ZNF263: variants seen among roughly 807,000 people sequenced by gnomAD.
ZNF263 encodes the protein zinc finger protein FPM315.
ZNF263 carries 49 observed loss-of-function variants against 63.1 expected under a neutral mutation model. The observed-to-expected ratio is 0.78, with a 90% CI of 0.62 to 0.99. ZNF263 has a LOEUF of 0.99. Ranked by LOEUF, ZNF263 falls within the 50% of genes least tolerant of loss-of-function variation. ZNF263 has a pLI of 0.00. For synonymous variants in ZNF263, 352 were observed against 324.2 expected, an observed-to-expected ratio of 1.09 and a Z score of -0.92; for missense variants, 872 against 854.8, an observed-to-expected ratio of 1.02 and a Z score of -0.25.
At position 3,285,738 on chromosome 16, in the gene ZNF263, A is replaced by T; in HGVS notation, c.626A>T (p.Glu209Val). Reference sequence around the variant, plus strand: ...CCTGAAGGGAACATGGAAGACAAGGAGATGACTGGGCCCCAGGTGATGTGG... The same window carrying T: ...CCTGAAGGGAACATGGAAGACAAGGTGATGACTGGGCCCCAGGTGATGTGG... ...FPPEGNMEDK[E>V]MTGPQLPESL... The change falls in exon 3 of 6, where the codon GAG becomes GTG. Residue 209 changes from glutamate (E) to valine (V), a missense_variant. Physicochemically the swap from Glu to Val is moderately radical, Grantham distance 121. Transcript: ENST00000219069. 6.2e-7 allele frequency: 1 copy of T among 1,614,118 alleles called. No homozygotes were observed. Among genetic ancestry groups the T allele is most frequent in the Non-Finnish European group, 8.5e-7 (1 of 1,180,010 alleles).
At chr16:3,285,272 A>G in intron 2 of ZNF263, 33 bp downstream of exon 2, 1 of 1,587,454 alleles carries the variant, frequency 6.3e-7, no homozygotes. Flanking sequence ...GGTGGGAGGG[A>G]GGAGGGGCTT....
At chr16:3,300,245 C>A in intron 2 of ZNF263, 1 of 1,614,224 alleles carries the variant, frequency 6.2e-7, no homozygotes, top group Non-Finnish European at 8.5e-7. Flanking sequence ...AAAAGCCAAC[C>A]AGTGCTAGCT....
intron 2 of ZNF263, chr16:3,299,664 C>T: frequency 2.6e-6 from 4 of 1,551,960 alleles, no homozygotes; most frequent in Non-Finnish European, 3.5e-6. Context: ...GGGGGAAGAA[C>T]ATACATTTTA....
rs147608270 is a variant in ZNF263 at position 3,285,122 on chromosome 16, C to G, written c.451C>G (p.Arg151Gly). 48 of 1,614,112 alleles carry G rather than the reference C, an allele frequency of 3.0e-5. No individual in the cohort carries two copies. The South Asian group carries it at 3.4e-4, about 11-fold the overall frequency. ...LEEPLPLETA[R>G]ESPSFKLEPM... is the part of the protein sequence containing the mutation. Reference sequence around the variant, plus strand: ...GGAGCCTTTGCCTCTGGAAACAGCACGAGAGTCACCGAGCTTCAAGCTGGA... The same window carrying G: ...GGAGCCTTTGCCTCTGGAAACAGCAGGAGAGTCACCGAGCTTCAAGCTGGA... The change falls in exon 2 of 6, where the codon CGA becomes GGA. Residue 151 changes from arginine (R) to glycine (G), a missense_variant. Transcript: ENST00000219069.
intron 2 of ZNF263, chr16:3,299,595 C>T (rs1461162437): frequency 1.3e-6 from 2 of 1,556,104 alleles, no homozygotes; most frequent in Non-Finnish European, 1.7e-6. Flanking sequence ...ATCTATACAG[C>T]CGTTTGCAGC....
At position 3,289,500 on chromosome 16, in the gene ZNF263, C is replaced by T. The variant is rs1379730813; in HGVS notation, c.994C>T (p.Pro332Ser). 2 of 1,568,236 alleles carry T rather than the reference C, an allele frequency of 1.3e-6. No homozygotes were observed. Among genetic ancestry groups the T allele is most frequent in the South Asian group, 1.2e-5 (1 of 82,398 alleles). ...DQARGEVPWSPELGRPHDRSQ... is the reference protein window; with the variant it reads ...DQARGEVPWSSELGRPHDRSQ... Reference sequence around the variant, plus strand: ...GGCCCGAGGGGAGGTGCCCTGGAGTCCTGAGCTGGGAAGACCTCATGACCG... The same window carrying T: ...GGCCCGAGGGGAGGTGCCCTGGAGTTCTGAGCTGGGAAGACCTCATGACCG... The change falls in exon 6 of 6, where the codon CCT becomes TCT. Residue 332 changes from proline (P) to serine (S), a missense_variant. Coordinates refer to ENST00000219069, the MANE Select transcript of ZNF263 (RefSeq NM_005741.5).
chr16:3,298,148 G>C (rs775562561), intron 1 of ZNF263, among the ~76,000 whole-genome samples: 12 of 152,218 alleles, frequency 7.9e-5, no homozygotes, highest in Non-Finnish European at 1.2e-4. Flanking sequence ...AATGACCTAA[G>C]GGAAACTCTC....
chr16:3,298,877 T>C (rs777290967), intron 1 of ZNF263: 17 of 463,402 alleles, frequency 3.7e-5, no homozygotes, highest in Non-Finnish European at 6.0e-5. Flanking sequence ...AAATGGGCAC[T>C]GATATACAAA....
At position 3,291,361 on chromosome 16, in the gene ZNF263, C is replaced by G. The variant is rs1390232233; in HGVS notation, c.*803C>G. On this transcript the variant is annotated 3_prime_UTR_variant, in exon 6 of 6. Transcript: ENST00000219069. The stretch of plus-strand genomic sequence containing the variant: ...GAGCATTCCAGGAAAGAGAGATTCC[C>G]TGGAAAATTGAAAATGTGAATCCTA... The G allele has an allele frequency of 4.1e-6, 4 of 985,238 alleles. No homozygotes were observed. Among genetic ancestry groups the G allele is most frequent in the Non-Finnish European group, 4.8e-6 (4 of 829,916 alleles). The allele number at this position is 985,238 out of a possible 1,614,324, so 61.0% of individuals were successfully genotyped here. A position where few individuals can be genotyped will look rare whatever the true frequency, so the allele number is the denominator to read the frequency against.
Position 3,300,989 on chromosome 16 carries a change from GAA to G in ZNF263, c.*124_*125del, listed in dbSNP as rs560006370. 1.2e-3 allele frequency: 222 copies of G among 189,936 alleles called. 1 individual carries two copies. In the Middle Eastern group the frequency reaches 0.014, roughly 12 times the overall value. 11.8% of individuals were successfully genotyped at this position (189,936 alleles called of 1,614,324 possible). ...CTCAATACCGGAAAACGGACAATAT[GAA>G]GAGAGGAGGGATGGAGCAAGATGTG... On this transcript the variant is annotated 3_prime_UTR_variant, in exon 3 of 3. Coordinates refer to the ZNF263 transcript ENST00000574674.
intron 1 of ZNF263, among the ~76,000 whole-genome samples, chr16:3,298,356 A>T (rs1959823760): frequency 6.6e-6 from 1 of 152,262 alleles, no homozygotes; most frequent in African/African-American, 2.4e-5. Context: ...TACTCAATAA[A>T]TGCTAACGTA....
chr16:3,296,234 C>G (rs1959740201), downstream of ZNF263, among the ~76,000 whole-genome samples: 1 of 152,182 alleles, frequency 6.6e-6, no homozygotes, highest in Non-Finnish European at 1.5e-5. Flanking sequence ...AAACAGTTAA[C>G]AGGAAGTTTC....
chr16:3,300,303 C>T, intron 2 of ZNF263: 3 of 1,614,228 alleles, frequency 1.9e-6, no homozygotes, highest in Non-Finnish European at 2.5e-6. Flanking sequence ...CTGCAGCAGC[C>T]TGAAGCTCCA....
At chr16:3,292,132 T>G (rs1023821816), downstream of ZNF263, among the ~76,000 whole-genome samples, 1 of 151,796 alleles carries the variant, frequency 6.6e-6, no homozygotes, top group African/African-American at 2.4e-5. Context: ...ATTCTAAGAG[T>G]AGGAAATCGG....
downstream of ZNF263, chr16:3,293,511 AAAG>A (rs1479604339): frequency 6.6e-6 from 1 of 152,244 alleles, no homozygotes; most frequent in Non-Finnish European, 1.5e-5. Flanking sequence ...GGCTCTTGTA[AAAG>A]AAGCCAAAAC....
At chr16:3,285,501 T>G (rs1959313610) in intron 2 of ZNF263, among the ~76,000 whole-genome samples, 180 bp from the exon 3 acceptor site, 1 of 152,188 alleles carries the variant, frequency 6.6e-6, no homozygotes, top group African/African-American at 2.4e-5. Flanking sequence ...AGTGCTACTC[T>G]TGGTACTCCT....
intron 1 of ZNF263, among the ~76,000 whole-genome samples, chr16:3,298,352 A>G (rs903819855): frequency 6.6e-6 from 1 of 152,260 alleles, no homozygotes; most frequent in Non-Finnish European, 1.5e-5. Flanking sequence ...TATATACTCA[A>G]TAAATGCTAA....
intron 1 of ZNF263, among the ~76,000 whole-genome samples, 187 bp downstream of exon 1, chr16:3,284,392 C>T (rs563277795): frequency 1.3e-4 from 20 of 152,338 alleles, no homozygotes; most frequent in African/African-American, 4.3e-4. Context: ...GTGAAGAGTG[C>T]CCTGTTTCCA....
Position 3,290,490 on chromosome 16 carries a change from T to C in ZNF263, c.1984T>C (p.Ser662Pro), listed in dbSNP as rs1276433047. The C allele has an allele frequency of 6.2e-7, 1 of 1,613,678 alleles. No homozygotes were observed. The highest frequency in any genetic ancestry group is 1.1e-5 in the South Asian group (1 of 91,022). The change falls in exon 6 of 6, where the codon TCT (serine) becomes CCT (proline). Residue 662 changes from serine to proline, a missense_variant. Physicochemically the swap from Ser to Pro is moderately conservative, Grantham distance 74. Transcript: ENST00000219069. ...TACGGGAGAGAGACCCTATAAATGT[T>C]CTGAATGTGGAGAAAGCTTCTCTCG... ...THTGERPYKC[S>P]ECGESFSRSS... is the part of the protein sequence containing the mutation.
Sources: gnomAD v4.1 joint callset for allele counts (sites outside exome capture counted in the v4.1 genomes callset) on GRCh38, gnomAD v4.1.1 for gene constraint, MANE v1.5 for transcripts, NCBI Gene and HGNC (gene_info 2026-07-23, HGNC 2026-07-21) for gene names.